Variants in JAK3 observed in about 807,000 individuals in gnomAD.
JAK3 encodes Janus kinase 3.
JAK3 carries 88 observed loss-of-function variants against 120.8 expected under a neutral mutation model. The ratio of observed to expected loss-of-function variants is 0.73; its 90% CI spans 0.61 to 0.87. The LOEUF is 0.87. Among genes scored for constraint, JAK3 ranks in the 40% least tolerant of loss-of-function variants. JAK3 has a pLI of 0.00. For missense variants in JAK3, 1,254 were observed against 1,501.4 expected, an observed-to-expected ratio of 0.84 and a Z score of 2.72; for synonymous variants, 592 against 628.6, an observed-to-expected ratio of 0.94 and a Z score of 0.87.
At chr19:17,833,016 C>T in intron 17 of JAK3, 87 bp from the exon 18 acceptor site, 2 of 1,543,636 alleles carry the variant, frequency 1.3e-6, no homozygotes, top group East Asian at 4.9e-5. Flanking sequence ...CCTCCATCTG[C>T]ATATTGACCC....
rs1204641842 is a variant in JAK3 at position 17,839,458 on chromosome 19, A to G, written c.1441+19T>C. ...GGGTCCCAGATCAGCCACTCATTCC[A>G]GGGGAGGAAGGGGCTCACCTTTGGG... is the stretch of plus-strand genomic sequence containing the variant. On this transcript the variant is annotated intron_variant, in intron 10 of 23. Coordinates refer to ENST00000458235, the MANE Select transcript of JAK3 (RefSeq NM_000215.4). The G allele has an allele frequency of 5.8e-6, 9 of 1,561,052 alleles. No individual in the cohort carries two copies. The African/African-American group carries it at 1.2e-4, about 21-fold the overall frequency.
At position 17,843,417 on chromosome 19, in the gene JAK3, A is replaced by G; in HGVS notation, c.383T>C (p.Ile128Thr). 1 of 1,595,634 alleles carries G rather than the reference A, an allele frequency of 6.3e-7. No individual in the cohort carries two copies. Among genetic ancestry groups the G allele is most frequent in the Non-Finnish European group, 8.5e-7 (1 of 1,171,666 alleles). ...FGLRKDLASA[I>T]LDLPVLEHLF... ...GTGCTCCAGGACTGGCAGGTCAAGG[A>G]TAGCACTGGCCAAATCCTTGCGTAG... The change falls in exon 4 of 24, where the codon ATC becomes ACC. Residue 128 changes from isoleucine (I) to threonine (T), a missense_variant. Physicochemically the swap from Ile to Thr is moderately conservative, Grantham distance 89. Transcript: ENST00000458235. This position sits in a 1 kb window ranked among gnomAD's most constrained non-coding sequence, Gnocchi z 5.4.
Position 17,835,229 on chromosome 19 carries a change from A to G in JAK3, c.1915-14T>C, listed in dbSNP as rs2094222086. On this transcript the variant is annotated splice_polypyrimidine_tract_variant and intron_variant, in intron 14 of 23. Coordinates refer to ENST00000458235, the MANE Select transcript of JAK3 (RefSeq NM_000215.4). ...GCCTTTGTCCTCCTAAGGGGGCCAG[A>G]CACAGGAAAATGCCCGGGAGGGTTT... 1 of 1,612,930 alleles carries G rather than the reference A, an allele frequency of 6.2e-7. No individual in the cohort carries two copies. Among genetic ancestry groups the G allele is most frequent in the African/African-American group, 1.3e-5 (1 of 74,936 alleles).
chr19:17,829,799 C>G (rs1020432597), intron 23 of JAK3: 10 of 478,018 alleles, frequency 2.1e-5, no homozygotes, highest in African/African-American at 1.9e-4. Context: ...ACGTCACCAC[C>G]ATTTATGGAG....
At position 17,826,781 on chromosome 19, in the gene JAK3, G is replaced by A. The variant is rs1269489339; in HGVS notation, c.3337C>T (p.His1113Tyr). The A allele has an allele frequency of 1.2e-6, 2 of 1,614,006 alleles. No individual in the cohort carries two copies. The highest frequency in any genetic ancestry group is 1.7e-5 in the Admixed American group (1 of 59,994). ...AGGGAGTGGTGTTTGCCCTCTGGGT[G>A]AGCAGTGAAGGCATGAGTCTCACAC... ...RGCETHAFTA[H>Y]PEGKHHSLSF... Residue 1113 changes from histidine (H) to tyrosine (Y), a missense_variant, in exon 24 of 24, where the codon CAC becomes TAC. This residue lies in a region of JAK3 where 630 missense variants were observed against 819.8 expected (regional missense o/e 0.77). Transcript: ENST00000458235.
chr19:17,826,598 G>A lies in JAK3; in HGVS notation c.*145C>T, dbSNP rs983118649. The A allele has an allele frequency of 4.5e-6, 4 of 887,538 alleles. No homozygotes were observed. Among genetic ancestry groups the A allele is most frequent in the Non-Finnish European group, 7.6e-6 (4 of 528,218 alleles). The allele number at this position is 887,538 out of a possible 1,614,324, so 55.0% of individuals were successfully genotyped here. ...CCACAGGCTATTCTACAGGCCACGGGAGCCCCCCCAAATGCAATGTCATGG... is the reference window on the plus strand; with the variant it reads ...CCACAGGCTATTCTACAGGCCACGGAAGCCCCCCCAAATGCAATGTCATGG... On this transcript the variant is annotated 3_prime_UTR_variant, in exon 24 of 24. Coordinates refer to ENST00000458235, the MANE Select transcript of JAK3 (RefSeq NM_000215.4).
In JAK3 at chr19:17,832,481, C is replaced by A; in HGVS notation, c.2680+38G>T. The A allele has an allele frequency of 6.2e-7, 1 of 1,603,514 alleles. No homozygotes were observed. Among genetic ancestry groups the A allele is most frequent in the East Asian group, 2.2e-5 (1 of 44,826 alleles). ...TAAGAATGTGCACTTTGAAAAGCAC[C>A]CATACGTCTTGGTTCACTCATCCGG... On this transcript the variant is annotated intron_variant, in intron 19 of 23. Coordinates refer to ENST00000458235, the MANE Select transcript of JAK3 (RefSeq NM_000215.4). This position sits in a 1 kb window ranked among gnomAD's most constrained non-coding sequence, Gnocchi z 4.7.
rs200641855 is a variant in JAK3 at position 17,835,205 on chromosome 19, C to A, written c.1925G>T (p.Gly642Val). 3.1e-6 allele frequency: 5 copies of A among 1,613,946 alleles called. No homozygotes were observed. Among genetic ancestry groups the A allele is most frequent in the South Asian group, 1.1e-5 (1 of 91,082 alleles). Reference sequence around the variant, plus strand: ...GGCAGAGACATTGCCATGGGGCAGGCCTTTGTCCTCCTAAGGGGGCCAGAC... The same window carrying A: ...GGCAGAGACATTGCCATGGGGCAGGACTTTGTCCTCCTAAGGGGGCCAGAC... ...AYALNYLEDKGLPHGNVSARK... is the reference protein window; with the variant it reads ...AYALNYLEDKVLPHGNVSARK... The change falls in exon 15 of 24, where the codon GGC becomes GTC. Residue 642 changes from glycine to valine, a missense_variant. Gly to Val is a moderately radical substitution (Grantham distance 109). Transcript: ENST00000458235.
Position 17,840,217 on chromosome 19 carries a change from G to A in JAK3, c.1254+13C>T. 6.3e-7 allele frequency: 1 copy of A among 1,587,524 alleles called. No individual in the cohort carries two copies. The highest frequency in any genetic ancestry group is 8.6e-7 in the Non-Finnish European group (1 of 1,156,124). ...AGGCAGCCCTCCACTACCCACCCTA[G>A]CAGTAGACCGACCTGGACACAGACA... On this transcript the variant is annotated intron_variant, in intron 9 of 23. Transcript: ENST00000458235.
chr19:17,832,491 TG>T lies in JAK3; in HGVS notation c.2680+27del, dbSNP rs751692447. On this transcript the variant is annotated intron_variant, in intron 19 of 23. Coordinates refer to ENST00000458235, the MANE Select transcript of JAK3 (RefSeq NM_000215.4). This position sits in a 1 kb window ranked among gnomAD's most constrained non-coding sequence, Gnocchi z 4.7. ...CACTTTGAAAAGCACCCATACGTCTTGGTTCACTCATCCGGGAGCTGGCTCA... is the reference window on the plus strand; with the variant it reads ...CACTTTGAAAAGCACCCATACGTCTTGTTCACTCATCCGGGAGCTGGCTCA... 6.2e-7 allele frequency: 1 copy of T among 1,612,348 alleles called. No individual in the cohort carries two copies. The highest frequency in any genetic ancestry group is 1.7e-5 in the Admixed American group (1 of 60,002).
rs779338342 is a variant in JAK3, at chr19:17,835,028, G to A, written c.2048-25C>T. ...ACTGAGGGAATGAAAGTGGGATCAGGGATCCACTTCCTTGCCCTGCTCAGC... is the reference window on the plus strand; with the variant it reads ...ACTGAGGGAATGAAAGTGGGATCAGAGATCCACTTCCTTGCCCTGCTCAGC... On this transcript the variant is annotated intron_variant, in intron 15 of 23. Transcript: ENST00000458235. The A allele has an allele frequency of 1.5e-5, 24 of 1,614,126 alleles. No individual in the cohort carries two copies. In the South Asian group the frequency reaches 2.5e-4, roughly 17 times the overall value.
chr19:17,839,801 C>T (rs961737960), intron 9 of JAK3, 138 bp from the exon 10 acceptor site: 13 of 773,008 alleles, frequency 1.7e-5, no homozygotes, highest in African/African-American at 9.6e-5. Flanking sequence ...AGTGCAATGG[C>T]GTGACCTTGG....
chr19:17,827,019 G>A, intron 23 of JAK3, 109 bp from the exon 24 acceptor site: 2 of 1,263,864 alleles, frequency 1.6e-6, no homozygotes, highest in Non-Finnish European at 1.1e-6. Flanking sequence ...TAGCTCTGTT[G>A]TCCAGGCTGG....
chr19:17,828,412 C>T (rs2094208103), intron 23 of JAK3, among the ~76,000 whole-genome samples: 1 of 151,968 alleles, frequency 6.6e-6, no homozygotes, highest in South Asian at 2.1e-4. Context: ...CATGTCACCA[C>T]ACCGGCTATT....
intron 21 of JAK3, 125 bp from the exon 22 acceptor site, chr19:17,830,745 G>T (rs2094212486): frequency 6.6e-6 from 5 of 757,716 alleles, no homozygotes; most frequent in South Asian, 4.3e-5. Flanking sequence ...CGTCTCCAGG[G>T]TCTCGGTTTC....
At position 17,832,685 on chromosome 19, in the gene JAK3, C is replaced by T. The variant is rs1212074696; in HGVS notation, c.2514G>A (p.Leu838=). 1 of 1,614,254 alleles carries T rather than the reference C, an allele frequency of 6.2e-7. No individual in the cohort carries two copies. The highest frequency in any genetic ancestry group is 8.5e-7 in the Non-Finnish European group (1 of 1,180,052). Residue 838 remains leucine, a synonymous_variant, in exon 19 of 24, where the codon CTG becomes CTA. Coordinates refer to ENST00000458235, the MANE Select transcript of JAK3 (RefSeq NM_000215.4). The surrounding 1 kb of genome is among the most constrained non-coding windows in gnomAD (Gnocchi z 4.7). ...TGTCGCCTAGCGGGTCATAGCGGCA[C>T]AGCTCCACGCTGCCAAAGTTGCCCT... The part of the protein sequence containing the change: ...LGKGNFGSVE[L]CRYDPLGDNT...
chr19:17,830,657 A>C, intron 21 of JAK3, 37 bp from the exon 22 acceptor site: 2 of 1,552,002 alleles, frequency 1.3e-6, no homozygotes, highest in East Asian at 2.2e-5. Flanking sequence ...GCGAGGGTGT[A>C]GAAAGGACAG....
rs188605517 is a variant in JAK3, at chr19:17,831,935, C to G, written c.2681-137G>C. On this transcript the variant is annotated intron_variant, in intron 19 of 23. Transcript: ENST00000458235. The surrounding 1 kb of genome is among the most constrained non-coding windows in gnomAD (Gnocchi z 5.1). ...TAATATGGGAACCGCAACAATGACA[C>G]ATTGCTAATATCTCTTGAGTACTTT... The G allele has an allele frequency of 3.9e-6, 4 of 1,014,486 alleles. No homozygotes were observed. The allele number at this position is 1,014,486 out of a possible 1,614,324, so 62.8% of individuals were successfully genotyped here.
At chr19:17,840,754 C>T (rs1049332400) in intron 8 of JAK3, among the ~76,000 whole-genome samples, 3 of 151,270 alleles carry the variant, frequency 2.0e-5, no homozygotes, top group Non-Finnish European at 4.4e-5. Flanking sequence ...CAGAGCCAGA[C>T]TCCGTCTCAA....
Sources: allele counts gnomAD v4.1 joint callset (sites outside exome capture counted in the v4.1 genomes callset), GRCh38; gene constraint gnomAD v4.1.1; regional missense constraint gnomAD v4.1.1; non-coding constraint Gnocchi (gnomAD v3.1); transcripts MANE v1.5; gene names NCBI Gene and HGNC (gene_info 2026-07-23, HGNC 2026-07-21).